Variants in LRFN5 observed in about 807,000 individuals in gnomAD.
The protein encoded by LRFN5 is leucine rich repeat and fibronectin type III domain containing 5, also known as leucine-rich repeat and fibronectin type-III domain-containing protein 5.
A neutral mutation model predicts 45.6 loss-of-function variants in LRFN5; 24 were observed. That is an observed-to-expected ratio of 0.53 (90% CI 0.38 to 0.74). The LOEUF (loss-of-function observed/expected upper bound fraction) is 0.74. Ranked by LOEUF, LRFN5 falls within the 30% of genes least tolerant of loss-of-function variation. The pLI, the probability that LRFN5 is intolerant of heterozygous loss-of-function variation, is 0.00. For missense variants in LRFN5, 776 were observed against 861.5 expected (o/e 0.90, Z 1.24); for synonymous variants, 340 against 313.8 (o/e 1.08, Z -0.88).
intron 1 of LRFN5, among the ~76,000 whole-genome samples, chr14:41,756,852 G>A (rs986818289): frequency 2.0e-5 from 3 of 152,132 alleles, no homozygotes; most frequent in Admixed American, 6.5e-5. Context: ...AGAGTTTCCA[G>A]TTTTTCTGCT....
At chr14:41,765,590 A>T (rs955637485) in intron 1 of LRFN5, among the ~76,000 whole-genome samples, 23 of 152,176 alleles carry the variant, frequency 1.5e-4, no homozygotes, top group African/African-American at 5.1e-4. Context: ...AAATATATTC[A>T]TGGAAGGAAA....
chr14:41,833,333 G>A (rs763455227), intron 2 of LRFN5, among the ~76,000 whole-genome samples: 2 of 152,144 alleles, frequency 1.3e-5, no homozygotes, highest in Non-Finnish European at 2.9e-5. Context: ...CATTCAGAGA[G>A]GGCACAAATT....
rs138347744 is a variant in LRFN5 at position 41,820,593 on chromosome 14, G to T, written c.-21+53564G>T. The stretch of plus-strand genomic sequence containing the variant: ...TGCTTAGAATTGCTTTGGCTATTTA[G>T]GCTCTTTTTTATTTCCTTGTGAATT... On this transcript the variant is annotated intron_variant, in intron 2 of 5. Transcript: ENST00000298119. 1.9e-3 allele frequency among the ~76,000 whole-genome samples: 283 copies of T among 152,050 alleles called. 3 individuals are homozygous for T. Among genetic ancestry groups the T allele is most frequent in the Admixed American group, 3.1e-3 (48 of 15,252 alleles).
At chr14:41,687,032 A>T (rs10139031) in intron 1 of LRFN5, among the ~76,000 whole-genome samples, 91,770 of 152,118 alleles carry the variant, frequency 0.6, 28,993 homozygotes, top group East Asian at 0.98. Flanking sequence ...TCAGAAGGAA[A>T]GTTACCAGCA....
At chr14:41,698,541 G>A (rs1231008092) in intron 1 of LRFN5, among the ~76,000 whole-genome samples, 1 of 151,890 alleles carries the variant, frequency 6.6e-6, no homozygotes, top group Non-Finnish European at 1.5e-5. Flanking sequence ...TTGGCACTCG[G>A]GTATCTATAT....
At chr14:41,747,897 T>C (rs377444229) in intron 1 of LRFN5, among the ~76,000 whole-genome samples, 7 of 151,970 alleles carry the variant, frequency 4.6e-5, no homozygotes, top group African/African-American at 1.7e-4. Flanking sequence ...AAACAACATA[T>C]AATAAAATGC....
intron 2 of LRFN5, among the ~76,000 whole-genome samples, chr14:41,800,530 T>G (rs1282374524): frequency 6.6e-6 from 1 of 151,744 alleles, no homozygotes; most frequent in Non-Finnish European, 1.5e-5. Flanking sequence ...ACAAATTTTA[T>G]GTAACAAGTA....
In LRFN5 at chr14:41,826,848, T is replaced by TAATAAGTAATCATTTTGATTCACAA. The variant is rs1888312577; in HGVS notation, c.-20-59748_-20-59747insCATTTTGATTCACAAAATAAGTAAT. Among the ~76,000 whole-genome samples the TAATAAGTAATCATTTTGATTCACAA allele has an allele frequency of 9.6e-5, 5 of 51,820 alleles. 1 individual carries two copies. In the South Asian group the frequency reaches 2.4e-3, roughly 25 times the overall value. The allele number at this position is 51,820 out of a possible 152,430, so 34.0% of individuals were successfully genotyped here. A position where few individuals can be genotyped will look rare whatever the true frequency, so the allele number is the denominator to read the frequency against. ...TGTAAGAATTGTGTAAATGTTGTTT[T>TAATAAGTAATCATTTTGATTCACAA]AATAAGTAATTATTTTGATTCACAA... On this transcript the variant is annotated intron_variant, in intron 2 of 5. Coordinates refer to ENST00000298119, the MANE Select transcript of LRFN5 (RefSeq NM_152447.5).
intron 5 of LRFN5, among the ~76,000 whole-genome samples, chr14:41,903,732 T>C (rs1164184101): frequency 6.6e-6 from 1 of 151,964 alleles, no homozygotes; most frequent in African/African-American, 2.4e-5. Flanking sequence ...TTGTAAAATT[T>C]TAATATCATA....
chr14:41,836,929 T>C (rs1466969169), intron 2 of LRFN5, among the ~76,000 whole-genome samples: 1 of 152,014 alleles, frequency 6.6e-6, no homozygotes, highest in Admixed American at 6.6e-5. Context: ...AGGAGCAGTG[T>C]GTAGTCCCCT....
intron 2 of LRFN5, among the ~76,000 whole-genome samples, chr14:41,883,819 A>AT (rs34115141): frequency 5.9e-5 from 9 of 151,990 alleles, no homozygotes; most frequent in East Asian, 3.9e-4. Flanking sequence ...GGATTTATAG[A>AT]TTTTTTTTAA....
At chr14:41,803,434 CT>C (rs1488973239) in intron 2 of LRFN5, among the ~76,000 whole-genome samples, 1 of 152,014 alleles carries the variant, frequency 6.6e-6, no homozygotes, top group Non-Finnish European at 1.5e-5. Flanking sequence ...TCGCTGCCGC[CT>C]CAAACTCCTG....
At chr14:41,840,410 G>A (rs1888818484) in intron 2 of LRFN5, among the ~76,000 whole-genome samples, 1 of 151,916 alleles carries the variant, frequency 6.6e-6, no homozygotes, top group Non-Finnish European at 1.5e-5. Context: ...AATTCCTGAA[G>A]GCTATTTAGG....
intron 1 of LRFN5, among the ~76,000 whole-genome samples, chr14:41,735,511 G>T (rs1884387835): frequency 6.6e-6 from 1 of 152,084 alleles, no homozygotes; most frequent in African/African-American, 2.4e-5. Context: ...GGCTCAAGCA[G>T]TCCTTCTGCG....
chr14:41,740,053 A>C (rs1239813464), intron 1 of LRFN5, among the ~76,000 whole-genome samples: 1 of 152,104 alleles, frequency 6.6e-6, no homozygotes, highest in Non-Finnish European at 1.5e-5. Context: ...TCAACAATAA[A>C]AAACTTTCAA....
intron 1 of LRFN5, among the ~76,000 whole-genome samples, chr14:41,723,573 AC>A (rs1304689971): frequency 6.6e-6 from 1 of 152,072 alleles, no homozygotes; most frequent in Non-Finnish European, 1.5e-5. Context: ...ACCCTGCTGC[AC>A]CAGGATCTCT....
chr14:41,627,886 A>AT (rs199620725), intron 1 of LRFN5, among the ~76,000 whole-genome samples: 14 of 151,308 alleles, frequency 9.3e-5, no homozygotes, highest in South Asian at 2.1e-4. Context: ...AATTGTATAC[A>AT]TTTTTTTTTC....
At chr14:41,680,885 T>G (rs1881854252) in intron 1 of LRFN5, among the ~76,000 whole-genome samples, 1 of 151,858 alleles carries the variant, frequency 6.6e-6, no homozygotes, top group South Asian at 2.1e-4. Flanking sequence ...AAAGAAACAA[T>G]TTAGAATCAC....
chr14:41,785,745 G>A lies in LRFN5; in HGVS notation c.-21+18716G>A, dbSNP rs35633828. Reference sequence around the variant, plus strand: ...CTGTTTTCCTGCAACTGGACAGTCCGCTCTGGGAGTGATGGGAGACAGTGA... The same window carrying A: ...CTGTTTTCCTGCAACTGGACAGTCCACTCTGGGAGTGATGGGAGACAGTGA... On this transcript the variant is annotated intron_variant, in intron 2 of 5. Transcript: ENST00000298119. 4.3e-4 allele frequency among the ~76,000 whole-genome samples: 66 copies of A among 152,226 alleles called. No individual in the cohort carries two copies. The South Asian group carries it at 4.4e-3, about 10-fold the overall frequency.
Sources: allele counts gnomAD v4.1 joint callset (sites outside exome capture counted in the v4.1 genomes callset), GRCh38; gene constraint gnomAD v4.1.1; transcripts MANE v1.5; gene names NCBI Gene and HGNC (gene_info 2026-07-23, HGNC 2026-07-21).